Variants in NAV2 observed in about 807,000 individuals in gnomAD.
NAV2 encodes helicase, APC down-regulated 1.
In NAV2, 54 loss-of-function variants were observed where a neutral mutation model predicts 223.2. That is an observed-to-expected ratio of 0.24 (90% CI 0.19 to 0.30). NAV2 has a LOEUF of 0.30. NAV2 is among the 10% of genes least tolerant of loss of function. The probability of loss-of-function intolerance (pLI) is 1.00; values close to 1 mark genes in which losing one functional copy is unlikely to be tolerated. For synonymous variants in NAV2, 1,279 were observed against 1,239.3 expected (o/e 1.03, Z -0.67); for missense variants, 2,806 against 3,147.5 (o/e 0.89, Z 2.60).
intron 1 of NAV2, among the ~76,000 whole-genome samples, chr11:19,584,887 T>C (rs2045843191): frequency 6.6e-6 from 1 of 152,250 alleles, no homozygotes; most frequent in Non-Finnish European, 1.5e-5. Flanking sequence ...TGTAGATGTC[T>C]ATTGGGTCCG....
chr11:19,521,817 A>T (rs573515947), intron 1 of NAV2, among the ~76,000 whole-genome samples: 8 of 152,222 alleles, frequency 5.3e-5, no homozygotes, highest in Non-Finnish European at 8.8e-5. Flanking sequence ...CAAACCCAGG[A>T]CTGTCCCTCT....
chr11:20,090,710 G>GT (rs1373121452), intron 26 of NAV2, among the ~76,000 whole-genome samples, 155 bp from the exon 27 acceptor site: 2 of 152,168 alleles, frequency 1.3e-5, no homozygotes, highest in Non-Finnish European at 2.9e-5. Context: ...AATAAAATCT[G>GT]TTTTCAGGTG....
At chr11:19,922,357 G>A (rs983300673) in intron 6 of NAV2, among the ~76,000 whole-genome samples, 3 of 151,812 alleles carry the variant, frequency 2.0e-5, no homozygotes, top group African/African-American at 7.3e-5. Context: ...TTCCTTCATT[G>A]TCTGTTCTCT....
intron 1 of NAV2, among the ~76,000 whole-genome samples, chr11:19,442,394 G>A (rs1320093423): frequency 6.6e-6 from 1 of 152,268 alleles, no homozygotes; most frequent in Admixed American, 6.5e-5. Flanking sequence ...GATAAGGCTG[G>A]CTGATACATA....
chr11:20,103,798 A>AAAGAGTG, intron 34 of NAV2, 74 bp downstream of exon 34: 1 of 1,322,612 alleles, frequency 7.6e-7, no homozygotes, highest in Non-Finnish European at 1.1e-6. Flanking sequence ...GCGGGTAGAG[A>AAAGAGTG]TGCCTGTGTT....
chr11:19,638,142 T>C (rs535432050), intron 1 of NAV2, among the ~76,000 whole-genome samples: 136 of 152,338 alleles, frequency 8.9e-4, no homozygotes, highest in African/African-American at 3.1e-3. Flanking sequence ...CAGCAGGAGC[T>C]ACTAGATTTC....
chr11:19,699,288 G>A (rs10732469), intron 1 of NAV2, among the ~76,000 whole-genome samples: 98,580 of 151,730 alleles, frequency 0.65, 36,805 homozygotes, highest in Non-Finnish European at 0.82. Context: ...GTCTGTAAAA[G>A]AGGGGAAAAT....
chr11:19,694,052 T>C (rs1332252710), intron 1 of NAV2, among the ~76,000 whole-genome samples: 2 of 152,208 alleles, frequency 1.3e-5, no homozygotes, highest in Non-Finnish European at 2.9e-5. Flanking sequence ...AATGATGTCA[T>C]TTGATCTTCA....
intron 1 of NAV2, among the ~76,000 whole-genome samples, chr11:19,730,746 G>A (rs919810372): frequency 2.0e-4 from 30 of 152,050 alleles, no homozygotes; most frequent in Non-Finnish European, 2.5e-4. Context: ...CTTGCTCACC[G>A]GACACCAGGA....
At chr11:19,677,334 C>T (rs1163017272) in intron 1 of NAV2, among the ~76,000 whole-genome samples, 1 of 152,250 alleles carries the variant, frequency 6.6e-6, no homozygotes, top group Non-Finnish European at 1.5e-5. Flanking sequence ...TGACAGCTTG[C>T]AGAGGTCCCT....
chr11:19,409,847 G>A (rs1442654339), intron 1 of NAV2, among the ~76,000 whole-genome samples: 2 of 152,182 alleles, frequency 1.3e-5, no homozygotes, highest in East Asian at 3.9e-4. Flanking sequence ...CCCAGGTCTT[G>A]TTTGACACCA....
At chr11:19,725,978 T>C (rs534882563) in intron 1 of NAV2, among the ~76,000 whole-genome samples, 3 of 152,214 alleles carry the variant, frequency 2.0e-5, no homozygotes, top group Non-Finnish European at 4.4e-5. Flanking sequence ...CCTTGGTGCA[T>C]TCCCCAGGTC....
intron 10 of NAV2, among the ~76,000 whole-genome samples, chr11:19,967,762 A>G (rs1484787926): frequency 6.6e-6 from 1 of 152,162 alleles, no homozygotes; most frequent in Non-Finnish European, 1.5e-5. Flanking sequence ...TGAAAAGGAG[A>G]CAAAGAGGTG....
At position 19,662,286 on chromosome 11, in the gene NAV2, T is replaced by C. The variant is rs143213365; in HGVS notation, c.76-170198T>C. 8.3e-4 allele frequency among the ~76,000 whole-genome samples: 127 copies of C among 152,310 alleles called. 1 individual carries two copies. The East Asian group carries it at 0.023, about 28-fold the overall frequency. On this transcript the variant is annotated intron_variant, in intron 1 of 37. Transcript: ENST00000360655. ...AAGTGAGTAAAAAAAATATTATGAT[T>C]GTAGCTGATCCCACAGCAGAAGGCC...
At chr11:19,982,507 A>G (rs1439662320) in intron 10 of NAV2, among the ~76,000 whole-genome samples, 1 of 152,188 alleles carries the variant, frequency 6.6e-6, no homozygotes, top group Non-Finnish European at 1.5e-5. Flanking sequence ...TAAAATGATA[A>G]AGTTGAGTGA....
intron 5 of NAV2, among the ~76,000 whole-genome samples, chr11:19,883,071 C>T (rs934519432): frequency 6.6e-5 from 10 of 152,252 alleles, no homozygotes; most frequent in Middle Eastern, 6.8e-3. Context: ...GTGGTTTGGA[C>T]GCTTGATTAT....
At chr11:19,636,460 C>T (rs190169031) in intron 1 of NAV2, among the ~76,000 whole-genome samples, 37 of 151,150 alleles carry the variant, frequency 2.4e-4, no homozygotes, top group African/African-American at 8.8e-4. Flanking sequence ...ATGCAATTCT[C>T]TTGGAATTAA....
At chr11:19,838,542 A>G (rs893887151) in intron 2 of NAV2, among the ~76,000 whole-genome samples, 2 of 152,228 alleles carry the variant, frequency 1.3e-5, no homozygotes, top group Non-Finnish European at 2.9e-5. Context: ...GCCTAAGAAC[A>G]AGGGCCAGTG....
At chr11:19,803,491 T>A (rs1308132996) in intron 1 of NAV2, among the ~76,000 whole-genome samples, 2 of 152,262 alleles carry the variant, frequency 1.3e-5, no homozygotes, top group Non-Finnish European at 2.9e-5. Context: ...GTTCAAATCC[T>A]GTCTGTGGCT....
Sources: gnomAD v4.1 joint callset for allele counts (sites outside exome capture counted in the v4.1 genomes callset) on GRCh38, gnomAD v4.1.1 for gene constraint, MANE v1.5 for transcripts, NCBI Gene and HGNC (gene_info 2026-07-23, HGNC 2026-07-21) for gene names.